SCN11A: variants seen among roughly 807,000 people sequenced by gnomAD.
The protein encoded by SCN11A is sodium voltage-gated channel alpha subunit 11.
SCN11A carries 122 observed loss-of-function variants against 162.2 expected under a neutral mutation model. The ratio of observed to expected loss-of-function variants is 0.75; its 90% CI spans 0.65 to 0.87. SCN11A has a LOEUF of 0.87. Among genes scored for constraint, SCN11A ranks in the 40% least tolerant of loss-of-function variants. The pLI is 0.00. For missense variants in SCN11A, 2,015 were observed against 2,181.6 expected, an observed-to-expected ratio of 0.92 and a Z score of 1.52; for synonymous variants, 758 against 751.5, an observed-to-expected ratio of 1.01 and a Z score of -0.14.
At chr3:38,895,825 C>T (rs2126117188) in intron 18 of SCN11A, among the ~76,000 whole-genome samples, 1 of 152,228 alleles carries the variant, frequency 6.6e-6, no homozygotes, top group East Asian at 1.9e-4. Flanking sequence ...GTGCTCTCCT[C>T]CCACTCCCAC....
At chr3:39,003,376 A>T (rs1401274032) in intron 2 of SCN11A, among the ~76,000 whole-genome samples, 1 of 152,190 alleles carries the variant, frequency 6.6e-6, no homozygotes, top group Non-Finnish European at 1.5e-5. Flanking sequence ...CCTTTTTAGG[A>T]CTGCATAGTA....
intron 7 of SCN11A, among the ~76,000 whole-genome samples, chr3:38,930,845 C>T (rs1321315623): frequency 6.6e-6 from 1 of 152,156 alleles, no homozygotes; most frequent in Non-Finnish European, 1.5e-5. Flanking sequence ...GGGAGAGCAA[C>T]AGCTTTCCCC....
chr3:38,967,141 T>C (rs1490933896), intron 2 of SCN11A, among the ~76,000 whole-genome samples: 1 of 152,186 alleles, frequency 6.6e-6, no homozygotes, highest in Admixed American at 6.5e-5. Flanking sequence ...CTGGCTTACA[T>C]TCCCTATTGT....
intron 28 of SCN11A, among the ~76,000 whole-genome samples, chr3:38,851,364 G>A (rs201138503): frequency 1.3e-5 from 2 of 151,992 alleles, no homozygotes; most frequent in Non-Finnish European, 2.9e-5. Flanking sequence ...ACTGAAAATA[G>A]AAAAAAATGA....
At chr3:39,032,109 G>A (rs372423119) in intron 2 of SCN11A, among the ~76,000 whole-genome samples, 8 of 152,290 alleles carry the variant, frequency 5.3e-5, no homozygotes, top group African/African-American at 1.9e-4. Flanking sequence ...GAACTGATGT[G>A]TTTAAAACAG....
Position 38,894,639 on chromosome 3 carries a change from C to A in SCN11A, c.2729G>T (p.Arg910Met). ...LTSVPKTLGV[R>M]HDWTWLAPLA... ...TGGTGCCAACCAAGTCCAATCATGC[C>A]TGACGCCCAGGGTCTTTGGTACAGA... The change falls in exon 19 of 30, where the codon AGG becomes ATG. Residue 910 changes from arginine (R) to methionine (M), a missense_variant. By Grantham distance (91) the Arg-to-Met change is moderately conservative (BLOSUM62 -1). Transcript: ENST00000302328. 6.2e-7 allele frequency: 1 copy of A among 1,614,174 alleles called. No individual in the cohort carries two copies. Among genetic ancestry groups the A allele is most frequent in the Non-Finnish European group, 8.5e-7 (1 of 1,180,008 alleles).
At chr3:38,953,209 G>C (rs2066642573) in intron 4 of SCN11A, among the ~76,000 whole-genome samples, 1 of 152,054 alleles carries the variant, frequency 6.6e-6, no homozygotes, top group South Asian at 2.1e-4. Flanking sequence ...CTAAATGATA[G>C]AAACTCATGG....
At position 38,883,320 on chromosome 3, in the gene SCN11A, GT is replaced by G; in HGVS notation, c.3131del (p.Asn1044ThrfsTer9). The G allele has an allele frequency of 1.2e-6, 2 of 1,613,950 alleles. No individual in the cohort carries two copies. Among genetic ancestry groups the G allele is most frequent in the Non-Finnish European group, 1.7e-6 (2 of 1,179,884 alleles). On this transcript the variant is annotated frameshift_variant, in exon 22 of 30. Transcript: ENST00000302328. LOFTEE classifies it high-confidence loss of function. ...KRKPPWVIWW[N>X]LRKTCYQIVK... ...CTATTTGGTAGCAGGTTTTCCGCAGGTTCCACCAAATGACCCAGGGAGGCTT... is the reference window on the plus strand; with the variant it reads ...CTATTTGGTAGCAGGTTTTCCGCAGGTCCACCAAATGACCCAGGGAGGCTT...
At chr3:39,045,504 C>T (rs532290238) in intron 1 of SCN11A, among the ~76,000 whole-genome samples, 2 of 152,170 alleles carry the variant, frequency 1.3e-5, no homozygotes, top group African/African-American at 4.8e-5. Flanking sequence ...AATCAATAAA[C>T]AAAAGATACA....
intron 11 of SCN11A, among the ~76,000 whole-genome samples, chr3:38,918,753 A>T (rs1429551144): frequency 6.6e-6 from 1 of 152,210 alleles, no homozygotes; most frequent in African/African-American, 2.4e-5. Context: ...GTGTCTTGCA[A>T]ATGGAATGAG....
intron 10 of SCN11A, among the ~76,000 whole-genome samples, chr3:38,920,814 C>T (rs1331217513): frequency 1.3e-5 from 2 of 151,920 alleles, no homozygotes; most frequent in Non-Finnish European, 2.9e-5. Context: ...AAGAAGTGGG[C>T]AGAGATCTAA....
intron 7 of SCN11A, among the ~76,000 whole-genome samples, chr3:38,940,629 T>C (rs924376396): frequency 8.5e-5 from 13 of 152,166 alleles, no homozygotes; most frequent in South Asian, 8.3e-4. Context: ...TGAAGTCAGA[T>C]CTATTTATGA....
chr3:38,924,754 C>T (rs192886089), intron 9 of SCN11A, among the ~76,000 whole-genome samples: 1 of 152,176 alleles, frequency 6.6e-6, no homozygotes, highest in Non-Finnish European at 1.5e-5. Context: ...AGTTATCTCC[C>T]CACCTTGGCC....
At chr3:38,881,020 C>T (rs913484529) in intron 22 of SCN11A, among the ~76,000 whole-genome samples, 11 of 152,174 alleles carry the variant, frequency 7.2e-5, no homozygotes, top group African/African-American at 2.2e-4. Context: ...AAGCCCACAG[C>T]TCCAAAGTCC....
intron 2 of SCN11A, among the ~76,000 whole-genome samples, chr3:39,005,918 T>G (rs1468130682): frequency 6.6e-6 from 1 of 152,218 alleles, no homozygotes; most frequent in East Asian, 1.9e-4. Context: ...ACTTTAATAA[T>G]TCCTTCAGAG....
chr3:38,870,894 GTA>G (rs2065115131), intron 25 of SCN11A, 150 bp from the exon 26 acceptor site: 3 of 623,310 alleles, frequency 4.8e-6, no homozygotes, highest in African/African-American at 3.7e-5. Flanking sequence ...TAAAAGAACA[GTA>G]GAAGGGAACT....
intron 1 of SCN11A, among the ~76,000 whole-genome samples, chr3:39,049,987 A>G (rs1437690901): frequency 6.6e-6 from 1 of 152,158 alleles, no homozygotes; most frequent in African/African-American, 2.4e-5. Flanking sequence ...CAACATATCA[A>G]TTTCTAGCAA....
intron 2 of SCN11A, among the ~76,000 whole-genome samples, chr3:38,993,147 T>C (rs1002422391): frequency 6.6e-6 from 1 of 152,244 alleles, no homozygotes; most frequent in Non-Finnish European, 1.5e-5. Flanking sequence ...GAGATGACTG[T>C]GACTCCCAAG....
intron 23 of SCN11A, among the ~76,000 whole-genome samples, chr3:38,874,927 C>T (rs1357071676): frequency 3.3e-5 from 5 of 152,086 alleles, no homozygotes. Flanking sequence ...GTGGTTTATG[C>T]TTTTCTAATA....
Sources: gnomAD v4.1 joint callset for allele counts (sites outside exome capture counted in the v4.1 genomes callset) on GRCh38, gnomAD v4.1.1 for gene constraint, MANE v1.5 for transcripts, NCBI Gene and HGNC (gene_info 2026-07-23, HGNC 2026-07-21) for gene names.